The following PIP4K2A variants were observed in gnomAD, a reference collection of about 807,000 sequenced individuals.
PIP4K2A encodes the protein phosphatidylinositol 5-phosphate 4-kinase type-2 alpha.
PIP4K2A carries 14 observed loss-of-function variants against 42.9 expected under a neutral mutation model. The observed-to-expected ratio is 0.33, with a 90% confidence interval of 0.22 to 0.51. The LOEUF is 0.51. Among genes scored for constraint, PIP4K2A ranks in the 20% least tolerant of loss-of-function variants. PIP4K2A has a pLI of 0.97. For missense variants in PIP4K2A, 434 were observed against 519.8 expected (o/e 0.83, Z 1.61); for synonymous variants, 192 against 192.2 (o/e 1.00, Z 0.01).
intron 4 of PIP4K2A, among the ~76,000 whole-genome samples, chr10:22,580,366 GA>G (rs1837239948): frequency 6.6e-6 from 1 of 151,982 alleles, no homozygotes; most frequent in South Asian, 2.1e-4. Context: ...ACAGCAAGAA[GA>G]GGCTGGGCAT....
At chr10:22,638,257 T>C (rs544554953) in intron 1 of PIP4K2A, among the ~76,000 whole-genome samples, 5 of 152,340 alleles carry the variant, frequency 3.3e-5, no homozygotes, top group African/African-American at 7.2e-5. Context: ...AAATACCCCA[T>C]ATAAAATTAA....
chr10:22,551,934 T>A (rs1316661440), intron 6 of PIP4K2A, among the ~76,000 whole-genome samples: 1 of 152,170 alleles, frequency 6.6e-6, no homozygotes, highest in Non-Finnish European at 1.5e-5. Context: ...AGTATAGACA[T>A]GCATGTAAAC....
intron 1 of PIP4K2A, among the ~76,000 whole-genome samples, chr10:22,689,644 T>C (rs1039155754): frequency 6.6e-6 from 1 of 152,202 alleles, no homozygotes; most frequent in Non-Finnish European, 1.5e-5. Flanking sequence ...GGAGTGGTCC[T>C]GAAACCAATC....
intron 1 of PIP4K2A, among the ~76,000 whole-genome samples, chr10:22,679,162 T>C (rs923854223): frequency 3.3e-5 from 5 of 151,862 alleles, no homozygotes; most frequent in African/African-American, 1.2e-4. Context: ...TGAGAGAAAA[T>C]ATTTGCAAAT....
chr10:22,621,826 A>G (rs1838337333), intron 1 of PIP4K2A, among the ~76,000 whole-genome samples: 1 of 152,240 alleles, frequency 6.6e-6, no homozygotes, highest in African/African-American at 2.4e-5. Context: ...CTTCGTTAAG[A>G]TTCCAGAAGG....
chr10:22,539,665 A>T, intron 9 of PIP4K2A: 1 of 301,754 alleles, frequency 3.3e-6, no homozygotes. Context: ...ATGTGTAAAA[A>T]GAAGAGATGT....
intron 1 of PIP4K2A, among the ~76,000 whole-genome samples, chr10:22,664,063 A>ATATATATATACG (rs1564459745): frequency 5.1e-5 from 4 of 79,176 alleles, no homozygotes; most frequent in East Asian, 2.4e-4. Context: ...GTATATATAC[A>ATATATATATACG]TATATATATA....
At chr10:22,667,832 G>C (rs1327625896) in intron 1 of PIP4K2A, among the ~76,000 whole-genome samples, 2 of 150,964 alleles carry the variant, frequency 1.3e-5, no homozygotes, top group African/African-American at 4.9e-5. Flanking sequence ...AGGACTCTTA[G>C]CCACAGAAAA....
At chr10:22,710,217 T>A (rs1477343501) in intron 1 of PIP4K2A, among the ~76,000 whole-genome samples, 1 of 152,090 alleles carries the variant, frequency 6.6e-6, no homozygotes, top group Non-Finnish European at 1.5e-5. Flanking sequence ...ATGGTGCTCA[T>A]CAGGCTGGCC....
At chr10:22,581,158 CCCT>C (rs1837269634) in intron 4 of PIP4K2A, among the ~76,000 whole-genome samples, 1 of 144,520 alleles carries the variant, frequency 6.9e-6, no homozygotes, top group Admixed American at 6.9e-5. Context: ...CTTTTCTTTC[CCCT>C]GAGGCATTCC....
chr10:22,671,441 T>C (rs571199974), intron 1 of PIP4K2A, among the ~76,000 whole-genome samples: 1 of 152,248 alleles, frequency 6.6e-6, no homozygotes, highest in South Asian at 2.1e-4. Flanking sequence ...CTAAACCGTT[T>C]CACTGAATCC....
chr10:22,623,624 C>G (rs915042243), intron 1 of PIP4K2A, among the ~76,000 whole-genome samples: 1 of 152,096 alleles, frequency 6.6e-6, no homozygotes, highest in Non-Finnish European at 1.5e-5. Flanking sequence ...AGGGGACGTC[C>G]GTGCACTGCT....
intron 1 of PIP4K2A, 120 bp from the exon 2 acceptor site, chr10:22,609,837 C>T: frequency 1.6e-6 from 1 of 608,970 alleles, no homozygotes; most frequent in Non-Finnish European, 2.9e-6. Flanking sequence ...TCCCACCCAC[C>T]AACCCACCCT....
intron 7 of PIP4K2A, among the ~76,000 whole-genome samples, chr10:22,544,554 G>T (rs1440173580): frequency 6.6e-6 from 1 of 152,200 alleles, no homozygotes; most frequent in African/African-American, 2.4e-5. Context: ...AGGTGACAGG[G>T]AAAAGGCCCC....
At chr10:22,631,952 C>G (rs1838558977) in intron 1 of PIP4K2A, among the ~76,000 whole-genome samples, 1 of 152,136 alleles carries the variant, frequency 6.6e-6, no homozygotes, top group South Asian at 2.1e-4. Context: ...GATCAGTGGA[C>G]ATCACGCGCC....
intron 6 of PIP4K2A, among the ~76,000 whole-genome samples, chr10:22,563,310 A>C (rs1326003865): frequency 5.3e-5 from 8 of 152,240 alleles, no homozygotes. Context: ...AGACAATTCT[A>C]ATGTTTGCAC....
At chr10:22,705,684 G>T (rs1431964807) in intron 1 of PIP4K2A, among the ~76,000 whole-genome samples, 1 of 151,946 alleles carries the variant, frequency 6.6e-6, no homozygotes, top group Non-Finnish European at 1.5e-5. Context: ...GCTCCAGCAG[G>T]TCTGCAGAGG....
intron 5 of PIP4K2A, among the ~76,000 whole-genome samples, chr10:22,571,564 T>C (rs939231918): frequency 1.3e-5 from 2 of 152,206 alleles, no homozygotes; most frequent in African/African-American, 4.8e-5. Context: ...AGTGCATGCC[T>C]TGGCAAAATC....
At chr10:22,629,066 A>G (rs1217758151) in intron 1 of PIP4K2A, among the ~76,000 whole-genome samples, 2 of 152,160 alleles carry the variant, frequency 1.3e-5, no homozygotes, top group Non-Finnish European at 2.9e-5. Context: ...TCTCCTTGCT[A>G]AAAAAATCCA....
Sources: allele counts gnomAD v4.1 joint callset (sites outside exome capture counted in the v4.1 genomes callset), GRCh38; gene constraint gnomAD v4.1.1; transcripts MANE v1.5; gene names NCBI Gene and HGNC (gene_info 2026-07-23, HGNC 2026-07-21).